Variants in ALDH5A1 observed in about 807,000 individuals in gnomAD.
ALDH5A1 encodes the protein aldehyde dehydrogenase 5 family member A1.
In ALDH5A1, 33 loss-of-function variants were observed where a neutral mutation model predicts 54.7. The observed-to-expected ratio is 0.60, with a 90% CI of 0.46 to 0.81. ALDH5A1 has a LOEUF of 0.81. ALDH5A1 is among the 30% of genes least tolerant of loss of function. ALDH5A1 has a pLI of 0.00. For synonymous variants in ALDH5A1, 294 were observed against 292.7 expected, an observed-to-expected ratio of 1.00 and a Z score of -0.05; for missense variants, 657 against 711.0, an observed-to-expected ratio of 0.92 and a Z score of 0.86.
chr6:24,526,880 A>G (rs1759809027), intron 7 of ALDH5A1, among the ~76,000 whole-genome samples: 1 of 125,634 alleles, frequency 8.0e-6, no homozygotes, highest in Non-Finnish European at 1.7e-5. Context: ...TATCTTCTAT[A>G]TATATATTCT....
chr6:24,521,857 A>ATTTTTTTT (rs71542679), intron 6 of ALDH5A1, among the ~76,000 whole-genome samples: 3 of 98,214 alleles, frequency 3.1e-5, no homozygotes, highest in African/African-American at 1.4e-4. Flanking sequence ...TGTCTCTACA[A>ATTTTTTTT]TTTTTTTTTT....
rs887448536 is a variant in ALDH5A1 at position 24,522,772 on chromosome 6, T to G, written c.1020T>G (p.Cys340Trp). The G allele has an allele frequency of 6.2e-7, 1 of 1,613,878 alleles. No individual in the cohort carries two copies. The highest frequency in any genetic ancestry group is 8.5e-7 in the Non-Finnish European group (1 of 1,179,906). The change falls in exon 7 of 10, where the codon TGT (cysteine) becomes TGG (tryptophan). Residue 340 changes from cysteine to tryptophan, a missense_variant. Cys to Trp is a radical substitution (Grantham distance 215, BLOSUM62 -2). This residue lies in a region of ALDH5A1 where 425 missense variants were observed against 516.4 expected (regional missense o/e 0.82). Transcript: ENST00000357578. ...ASKFRNTGQTCVCSNQFLVQR... is the reference protein window; with the variant it reads ...ASKFRNTGQTWVCSNQFLVQR... ...TGTTTTTGTCTCCTGTCCAGACTTG[T>G]GTTTGCTCAAACCAATTCTTGGTGC...
chr6:24,495,787 G>C (rs377239304), intron 1 of ALDH5A1, among the ~76,000 whole-genome samples: 1 of 152,222 alleles, frequency 6.6e-6, no homozygotes, highest in Non-Finnish European at 1.5e-5. Context: ...AGCGGCCCTT[G>C]AGAAGGCTGG....
intron 5 of ALDH5A1, among the ~76,000 whole-genome samples, chr6:24,519,594 CAT>C (rs911913706): frequency 2.4e-4 from 37 of 152,056 alleles, no homozygotes; most frequent in African/African-American, 8.9e-4. Flanking sequence ...GTTCTAGAAA[CAT>C]ATGTGCTGAC....
intron 4 of ALDH5A1, 150 bp downstream of exon 4, chr6:24,505,135 A>C: frequency 1.2e-6 from 1 of 839,286 alleles, no homozygotes; most frequent in East Asian, 2.5e-5. Flanking sequence ...TGATTACTTT[A>C]AGTCAGCTGT....
intron 8 of ALDH5A1, among the ~76,000 whole-genome samples, chr6:24,528,788 G>A (rs562751680): frequency 4.8e-5 from 7 of 145,768 alleles, no homozygotes; most frequent in East Asian, 2.1e-4. Context: ...AGCGATTCTC[G>A]TGCTTCAGCC....
intron 1 of ALDH5A1, 39 bp from the exon 2 acceptor site, chr6:24,502,484 G>A (rs1427992561): frequency 7.1e-7 from 1 of 1,416,876 alleles, no homozygotes; most frequent in Admixed American, 1.7e-5. Flanking sequence ...CTTACACTTG[G>A]CATTTTATTA....
chr6:24,533,639 T>G lies in ALDH5A1; in HGVS notation c.1535T>G (p.Leu512Arg), dbSNP rs752005255. Residue 512 changes from leucine to arginine, a missense_variant, in exon 10 of 10, where the codon CTT becomes CGT. Physicochemically the swap from Leu to Arg is moderately radical, Grantham distance 102 (BLOSUM62 -2). Transcript: ENST00000357578. ...TTTGGTGGAGTGAAGCAGTCCGGCC[T>G]TGGGCGAGAGGGGTCCAAGTATGGC... Reference protein sequence around the residue: ...CPFGGVKQSGLGREGSKYGID... With the variant: ...CPFGGVKQSGRGREGSKYGID... 52 of 1,613,968 alleles carry G rather than the reference T, an allele frequency of 3.2e-5. No homozygotes were observed. Among genetic ancestry groups the G allele is most frequent in the Middle Eastern group, 3.3e-4 (2 of 6,084 alleles).
At chr6:24,532,001 C>T in intron 8 of ALDH5A1, 118 bp from the exon 9 acceptor site, 1 of 941,904 alleles carries the variant, frequency 1.1e-6, no homozygotes, top group Non-Finnish European at 1.7e-6. Context: ...TCTTGGATCT[C>T]TTTGCAAAAC....
intron 1 of ALDH5A1, among the ~76,000 whole-genome samples, chr6:24,499,697 C>A (rs1425174160): frequency 1.5e-5 from 2 of 136,430 alleles, no homozygotes; most frequent in Admixed American, 7.1e-5. Flanking sequence ...GACGGAGTCT[C>A]GCTCTGTCAC....
At chr6:24,508,361 CAAAAAAAAAAAAAAA>C (rs1214819272) in intron 4 of ALDH5A1, among the ~76,000 whole-genome samples, 2 of 13,064 alleles carry the variant, frequency 1.5e-4, no homozygotes, top group Admixed American at 1.6e-3. Flanking sequence ...ACTCCATCTC[CAAAAAAAAAAAAAAA>C]AAAAAAAAAA....
chr6:24,523,546 T>G (rs1759744887), intron 7 of ALDH5A1, among the ~76,000 whole-genome samples: 1 of 152,248 alleles, frequency 6.6e-6, no homozygotes, highest in African/African-American at 2.4e-5. Context: ...ACTGTAGCTC[T>G]TTACTGTCCT....
intron 7 of ALDH5A1, among the ~76,000 whole-genome samples, 193 bp from the exon 8 acceptor site, chr6:24,527,804 G>A (rs1376731011): frequency 6.6e-6 from 1 of 152,148 alleles, no homozygotes; most frequent in Admixed American, 6.5e-5. Context: ...AAAGACCAAG[G>A]AGGAAGGTGG....
At chr6:24,502,896 T>C (rs1759231350) in intron 2 of ALDH5A1, among the ~76,000 whole-genome samples, 1 of 152,094 alleles carries the variant, frequency 6.6e-6, no homozygotes, top group South Asian at 2.1e-4. Flanking sequence ...GTTACTGTTT[T>C]GGTTGTTTTT....
intron 1 of ALDH5A1, among the ~76,000 whole-genome samples, chr6:24,497,306 A>T (rs1216385820): frequency 1.3e-5 from 2 of 151,930 alleles, no homozygotes; most frequent in Admixed American, 6.6e-5. Flanking sequence ...TACTTTTAGG[A>T]TCCTGCTGAT....
intron 1 of ALDH5A1, among the ~76,000 whole-genome samples, chr6:24,500,812 A>G (rs994547825): frequency 3.1e-4 from 47 of 152,096 alleles, no homozygotes; most frequent in Non-Finnish European, 2.4e-4. Context: ...CTTTAGATGC[A>G]ACTTGAAATT....
intron 1 of ALDH5A1, among the ~76,000 whole-genome samples, chr6:24,500,474 G>A (rs2817215): frequency 0.84 from 127,321 of 151,960 alleles, 54,067 homozygotes; most frequent in Non-Finnish European, 0.92. Flanking sequence ...AGAGTTGTCA[G>A]ATTCATAGAG....
intron 4 of ALDH5A1, 44 bp from the exon 5 acceptor site, chr6:24,515,123 A>ATTTTT: frequency 9.7e-7 from 1 of 1,026,104 alleles, no homozygotes; most frequent in Non-Finnish European, 1.3e-6. Context: ...TTTTTTTTTC[A>ATTTTT]GTTTGGTAAA....
chr6:24,511,768 T>C, intron 4 of ALDH5A1: 1 of 409,130 alleles, frequency 2.4e-6, no homozygotes, highest in African/African-American at 2.1e-5. Context: ...TAAATTGGGC[T>C]TCGCCTTTCT....
Sources: gnomAD v4.1 joint callset for allele counts (sites outside exome capture counted in the v4.1 genomes callset) on GRCh38, gnomAD v4.1.1 for gene constraint, gnomAD v4.1.1 regional missense constraint, MANE v1.5 for transcripts, NCBI Gene and HGNC (gene_info 2026-07-23, HGNC 2026-07-21) for gene names.